ALDH1L1: variants seen among roughly 807,000 people sequenced by gnomAD.
ALDH1L1 encodes the protein aldehyde dehydrogenase 1 family member L1.
ALDH1L1 carries 68 observed loss-of-function variants against 101.1 expected under a neutral mutation model. The observed-to-expected ratio is 0.67, with a 90% CI of 0.55 to 0.82. The LOEUF is 0.82. ALDH1L1 is among the 40% of genes least tolerant of loss of function. ALDH1L1 has a pLI of 0.00. For missense variants in ALDH1L1, 1,087 were observed against 1,172.7 expected (o/e 0.93, Z 1.07); for synonymous variants, 486 against 470.8 (o/e 1.03, Z -0.42).
intron 16 of ALDH1L1, among the ~76,000 whole-genome samples, chr3:126,121,150 G>A (rs370792828): frequency 1.4e-4 from 21 of 152,268 alleles, no homozygotes; most frequent in East Asian, 9.7e-4. Context: ...AGCACAGATC[G>A]GGATGATGCT....
intron 14 of ALDH1L1, among the ~76,000 whole-genome samples, chr3:126,127,509 C>T (rs931129910): frequency 6.6e-6 from 1 of 152,156 alleles, no homozygotes; most frequent in Non-Finnish European, 1.5e-5. Context: ...AGTTCCTTCT[C>T]TCTCTCGGGA....
At chr3:126,105,465 C>G in intron 22 of ALDH1L1, 1 of 500,922 alleles carries the variant, frequency 2.0e-6, no homozygotes, top group Non-Finnish European at 3.7e-6. Flanking sequence ...GCCACCACAC[C>G]AGAGAGGCCC....
intron 4 of ALDH1L1, 178 bp from the exon 5 acceptor site, chr3:126,155,681 T>C (rs2080890661): frequency 1.9e-6 from 1 of 536,180 alleles, no homozygotes; most frequent in East Asian, 3.3e-5. Context: ...CTAACTTCTA[T>C]TGCACAACGG....
At chr3:126,178,036 G>C (rs564939398) in intron 1 of ALDH1L1, among the ~76,000 whole-genome samples, 2 of 137,146 alleles carry the variant, frequency 1.5e-5, no homozygotes, top group Non-Finnish European at 3.1e-5. Context: ...GAGCAAGACT[G>C]TTTCAAAAAG....
At chr3:126,157,257 G>T in intron 4 of ALDH1L1, 86 bp downstream of exon 4, 1 of 1,458,286 alleles carries the variant, frequency 6.9e-7, no homozygotes. Flanking sequence ...CAGATTCCTG[G>T]CCTCCAGGAG....
intron 11 of ALDH1L1, among the ~76,000 whole-genome samples, chr3:126,135,903 C>T (rs1045637470): frequency 2.0e-5 from 3 of 152,200 alleles, no homozygotes; most frequent in Admixed American, 1.3e-4. Context: ...CCTGTTCCTG[C>T]CCTGAGTGTG....
intron 1 of ALDH1L1, 125 bp downstream of exon 1, chr3:126,180,351 G>T (rs553348627): frequency 4.2e-6 from 3 of 718,062 alleles, no homozygotes; most frequent in South Asian, 1.3e-4. Flanking sequence ...GATGGGCCCC[G>T]CAGGAGCCCT....
At chr3:126,109,917 A>C in intron 20 of ALDH1L1, 27 bp downstream of exon 20, 1 of 1,611,626 alleles carries the variant, frequency 6.2e-7, no homozygotes, top group Non-Finnish European at 8.5e-7. Flanking sequence ...CAATTGACCC[A>C]AGCGGACCTG....
At chr3:126,184,961 G>T (rs1171981985), upstream of ALDH1L1, among the ~76,000 whole-genome samples, 10 of 152,024 alleles carry the variant, frequency 6.6e-5, no homozygotes, top group Non-Finnish European at 1.2e-4. Context: ...ACCCTGCCTC[G>T]TGAGTTACTC....
At chr3:126,196,868 G>A (rs550235849) in intron 1 of ALDH1L1, among the ~76,000 whole-genome samples, 3 of 152,322 alleles carry the variant, frequency 2.0e-5, no homozygotes, top group African/African-American at 7.2e-5. Context: ...CAAAACCTTA[G>A]CTACTGAGCT....
chr3:126,138,074 G>C (rs944585817), intron 9 of ALDH1L1, 114 bp from the exon 10 acceptor site: 2 of 1,345,594 alleles, frequency 1.5e-6, no homozygotes, highest in Non-Finnish European at 2.0e-6. Flanking sequence ...CCAGCACCGA[G>C]AGGTAGCCAT....
intron 2 of ALDH1L1, among the ~76,000 whole-genome samples, chr3:126,159,183 C>T (rs777065511): frequency 6.6e-6 from 1 of 152,028 alleles, no homozygotes; most frequent in Non-Finnish European, 1.5e-5. Flanking sequence ...TCAGTTTTTC[C>T]ATCATCTGCA....
intron 1 of ALDH1L1, among the ~76,000 whole-genome samples, chr3:126,165,876 A>G (rs759849572): frequency 2.0e-5 from 3 of 151,906 alleles, no homozygotes; most frequent in Non-Finnish European, 4.4e-5. Flanking sequence ...TGAAAAACCA[A>G]CTCTTGATTT....
chr3:126,122,255 C>T (rs1443505105), intron 16 of ALDH1L1, among the ~76,000 whole-genome samples: 4 of 152,112 alleles, frequency 2.6e-5, no homozygotes, highest in African/African-American at 9.7e-5. Context: ...AAGCAAGGAG[C>T]ACTGTAAAGG....
rs190037598 is a variant in ALDH1L1, at chr3:126,121,889, C to T, written c.1888+2475G>A. On this transcript the variant is annotated intron_variant, in intron 16 of 22. Transcript: ENST00000393434. Reference sequence around the variant, plus strand: ...AAGCCCTCTCATTTCTGCCAACTCTCAGTTGCAGAAGCTAAGTTCTTGGTG... The same window carrying T: ...AAGCCCTCTCATTTCTGCCAACTCTTAGTTGCAGAAGCTAAGTTCTTGGTG... Among the ~76,000 whole-genome samples the T allele has an allele frequency of 7.3e-4, 111 of 152,326 alleles. 1 individual carries two copies. Among genetic ancestry groups the T allele is most frequent in the African/African-American group, 2.6e-3 (109 of 41,580 alleles).
chr3:126,136,071 C>T (rs2080436225), intron 11 of ALDH1L1, among the ~76,000 whole-genome samples: 1 of 152,204 alleles, frequency 6.6e-6, no homozygotes, highest in South Asian at 2.1e-4. Flanking sequence ...TCCTCAGCCC[C>T]TCCTGATGCT....
In ALDH1L1 at chr3:126,112,807, A is replaced by G. The variant is rs762821544; in HGVS notation, c.2156T>C (p.Ile719Thr). 13 of 1,613,434 alleles carry G rather than the reference A, an allele frequency of 8.1e-6. No homozygotes were observed. In the East Asian group the frequency reaches 2.0e-4, roughly 25 times the overall value. The change falls in exon 19 of 23, where the codon ATT becomes ACT. Residue 719 changes from isoleucine to threonine, a missense_variant. Physicochemically the swap from Ile to Thr is moderately conservative, Grantham distance 89. Around this residue, in one of 2 missense-constraint regions of ALDH1L1, gnomAD observed 442 missense variants for 535.7 expected, o/e 0.83. Coordinates refer to ENST00000393434, the MANE Select transcript of ALDH1L1 (RefSeq NM_012190.4). ...AAGRLFVEDSIHDEFVRRVVE... is the reference protein window; with the variant it reads ...AAGRLFVEDSTHDEFVRRVVE... ...CACTCTCCGCACGAACTCATCATGA[A>G]TGGAGTCCTCCACAAAGAGTCGGCC...
intron 1 of ALDH1L1, among the ~76,000 whole-genome samples, chr3:126,171,060 A>G (rs2081264450): frequency 6.6e-6 from 1 of 152,172 alleles, no homozygotes; most frequent in Non-Finnish European, 1.5e-5. Flanking sequence ...GCACTTTGGG[A>G]GGCCGAGGCG....
In ALDH1L1 at chr3:126,103,781, A is replaced by G; in HGVS notation, c.*10T>C. Reference sequence around the variant, plus strand: ...AGGGGCAGGGACTTTCTTCTCACAAAGACCTTTCTTCAGTATTCGAAGGTC... The same window carrying G: ...AGGGGCAGGGACTTTCTTCTCACAAGGACCTTTCTTCAGTATTCGAAGGTC... On this transcript the variant is annotated 3_prime_UTR_variant, in exon 23 of 23. Transcript: ENST00000393434. The G allele has an allele frequency of 1.2e-6, 2 of 1,613,170 alleles. No homozygotes were observed. Among genetic ancestry groups the G allele is most frequent in the Non-Finnish European group, 1.7e-6 (2 of 1,179,602 alleles).
Sources: gnomAD v4.1 joint callset for allele counts (sites outside exome capture counted in the v4.1 genomes callset) on GRCh38, gnomAD v4.1.1 for gene constraint, gnomAD v4.1.1 regional missense constraint, MANE v1.5 for transcripts, NCBI Gene and HGNC (gene_info 2026-07-23, HGNC 2026-07-21) for gene names.